COL9A3: variants seen among roughly 807,000 people sequenced by gnomAD.
The protein encoded by COL9A3 is collagen type IX alpha 3 chain.
In COL9A3, 82 loss-of-function variants were observed where a neutral mutation model predicts 110.2. The observed-to-expected ratio is 0.74, with a 90% CI of 0.62 to 0.89. COL9A3 has a LOEUF of 0.89. Ranked by LOEUF, COL9A3 falls within the 40% of genes least tolerant of loss-of-function variation. COL9A3 has a pLI of 0.00. For synonymous variants in COL9A3, 494 were observed against 403.8 expected (o/e 1.22, Z -2.68); for missense variants, 1,066 against 981.3 (o/e 1.09, Z -1.15).
intron 2 of COL9A3, 93 bp downstream of exon 2, chr20:62,817,728 CA>C: frequency 1.2e-6 from 1 of 834,072 alleles, no homozygotes; most frequent in South Asian, 1.8e-5. Flanking sequence ...GAGAGAAAAC[CA>C]GGCCCCACCT....
chr20:62,821,301 C>T (rs1335844033), intron 6 of COL9A3, 85 bp downstream of exon 6: 1 of 1,452,838 alleles, frequency 6.9e-7, no homozygotes, highest in Admixed American at 1.8e-5. Context: ...CTCCAGGAAT[C>T]CCAGGGACCA....
chr20:62,822,274 C>A, intron 9 of COL9A3, 110 bp downstream of exon 9: 1 of 787,956 alleles, frequency 1.3e-6, no homozygotes, highest in Non-Finnish European at 2.3e-6. Context: ...GATCTCCTAA[C>A]CCTAACTTGG....
chr20:62,822,190 A>T, intron 9 of COL9A3, 26 bp downstream of exon 9: 5 of 1,434,516 alleles, frequency 3.5e-6, no homozygotes, highest in Non-Finnish European at 4.9e-6. Flanking sequence ...AGGCTCTAAG[A>T]AGTGCTGGGC....
At chr20:62,826,881 C>T in intron 15 of COL9A3, 61 bp downstream of exon 15, 1 of 1,567,728 alleles carries the variant, frequency 6.4e-7, no homozygotes, top group Non-Finnish European at 8.7e-7. Context: ...TTTCCCTCTG[C>T]TCCTCTCAGA....
chr20:62,832,234 G>T, intron 25 of COL9A3, 45 bp downstream of exon 25: 1 of 1,594,386 alleles, frequency 6.3e-7, no homozygotes, highest in Non-Finnish European at 8.6e-7. Flanking sequence ...AGGCAAAGCT[G>T]CACAGCTTCT....
intron 19 of COL9A3, 96 bp downstream of exon 19, chr20:62,829,072 G>A (rs1286651296): frequency 1.1e-5 from 15 of 1,341,126 alleles, no homozygotes; most frequent in East Asian, 7.6e-5. Flanking sequence ...CTGTAGGGCC[G>A]ACTCCCTGTG....
chr20:62,836,003 G>A (rs779625319), intron 27 of COL9A3, 50 bp downstream of exon 27: 1 of 1,613,820 alleles, frequency 6.2e-7, no homozygotes. Flanking sequence ...GCGCCTGCTG[G>A]CTTCCTGCCC....
intron 14 of COL9A3, 65 bp from the exon 15 acceptor site, chr20:62,826,702 A>T: frequency 1.3e-6 from 2 of 1,572,158 alleles, no homozygotes; most frequent in Admixed American, 3.4e-5. Context: ...CCCCTGAGGG[A>T]GCACTGGGGG....
intron 19 of COL9A3, 147 bp from the exon 20 acceptor site, chr20:62,829,308 C>T (rs2063577509): frequency 1.8e-6 from 2 of 1,112,070 alleles, no homozygotes; most frequent in South Asian, 1.5e-5. Context: ...AAAGCCGCAC[C>T]TCAGGTCCAC....
At chr20:62,820,830 G>A (rs74910948) in intron 5 of COL9A3, among the ~76,000 whole-genome samples, 41 of 152,322 alleles carry the variant, frequency 2.7e-4, no homozygotes, top group African/African-American at 7.5e-4. Context: ...TCTGGGGCTC[G>A]CTGACGTGGG....
intron 16 of COL9A3, 147 bp from the exon 17 acceptor site, chr20:62,827,776 C>T: frequency 2.5e-6 from 2 of 806,314 alleles, no homozygotes; most frequent in Non-Finnish European, 4.3e-6. Context: ...TTTCTCCACG[C>T]ACCCACAGGC....
At chr20:62,832,605 G>A (rs1039809697) in intron 25 of COL9A3, among the ~76,000 whole-genome samples, 6 of 120,410 alleles carry the variant, frequency 5.0e-5, no homozygotes. Context: ...AGGCAGATTC[G>A]AAATGCATTT....
At chr20:62,830,644 A>G (rs2063588348) in intron 24 of COL9A3, 56 bp downstream of exon 24, 5 of 854,610 alleles carry the variant, frequency 5.9e-6, no homozygotes, top group Admixed American at 2.8e-5. Flanking sequence ...CATGTACCAC[A>G]GTCCCCCACC....
intron 22 of COL9A3, 54 bp downstream of exon 22, chr20:62,829,873 A>G (rs2063582568): frequency 1.3e-6 from 2 of 1,531,020 alleles, no homozygotes; most frequent in South Asian, 1.2e-5. Context: ...CCATTGGCAC[A>G]TGGCCCCAGT....
Position 62,824,516 on chromosome 20 carries a change from A to C in COL9A3, c.576+15A>C. 3 of 1,579,446 alleles carry C rather than the reference A, an allele frequency of 1.9e-6. No homozygotes were observed. Among genetic ancestry groups the C allele is most frequent in the Non-Finnish European group, 2.6e-6 (3 of 1,163,506 alleles). On this transcript the variant is annotated intron_variant, in intron 11 of 31. Coordinates refer to ENST00000649368, the MANE Select transcript of COL9A3 (RefSeq NM_001853.4). ...CAGGGTTCAAGGTGAGTCACGGGTG[A>C]CTGGGACCCAAGCACCACCCTGTGC...
intron 16 of COL9A3, 22 bp from the exon 17 acceptor site, chr20:62,827,901 C>T (rs778020061): frequency 4.3e-6 from 7 of 1,612,660 alleles, no homozygotes; most frequent in South Asian, 2.2e-5. Context: ...GCCACTGCTT[C>T]TGTCACTTGT....
At position 62,831,731 on chromosome 20, in the gene COL9A3, T is replaced by C. The variant is rs554667013; in HGVS notation, c.1288-423T>C. 3.9e-5 allele frequency: 10 copies of C among 255,990 alleles called. No individual in the cohort carries two copies. In the South Asian group the frequency reaches 4.1e-4, roughly 10 times the overall value. 15.9% of individuals were successfully genotyped at this position (255,990 alleles called of 1,614,324 possible). On this transcript the variant is annotated intron_variant, in intron 24 of 31. Coordinates refer to ENST00000649368, the MANE Select transcript of COL9A3 (RefSeq NM_001853.4). ...TCTGCCCTTTGGGCCAGTTCTCACT[T>C]ATGTGGCCATGTGAGCAAATGGACA...
chr20:62,834,506 C>A (rs1053899179), intron 26 of COL9A3, among the ~76,000 whole-genome samples: 1 of 152,210 alleles, frequency 6.6e-6, no homozygotes, highest in East Asian at 1.9e-4. Flanking sequence ...ATGATTAAGT[C>A]TTTCCTTTGC....
At chr20:62,827,205 GT>G in intron 15 of COL9A3, 35 bp from the exon 16 acceptor site, 1 of 1,611,706 alleles carries the variant, frequency 6.2e-7, no homozygotes, top group Non-Finnish European at 8.5e-7. Context: ...ACTCCATGGT[GT>G]TAACTCTGTC....
Sources: gnomAD v4.1 joint callset for allele counts (sites outside exome capture counted in the v4.1 genomes callset) on GRCh38, gnomAD v4.1.1 for gene constraint, MANE v1.5 for transcripts, NCBI Gene and HGNC (gene_info 2026-07-23, HGNC 2026-07-21) for gene names.